The following CACNB2 variants were observed in gnomAD, a reference collection of about 807,000 sequenced individuals.
CACNB2 encodes the protein calcium voltage-gated channel auxiliary subunit beta 2, also known as voltage-dependent L-type calcium channel subunit beta-2.
Under a neutral mutation model 73.3 loss-of-function variants are expected in CACNB2, and 42 were observed. The ratio of observed to expected loss-of-function variants is 0.57; its 90% CI spans 0.45 to 0.74. CACNB2 has a LOEUF of 0.74. Among genes scored for constraint, CACNB2 ranks in the 30% least tolerant of loss-of-function variants. The pLI, the probability that CACNB2 is intolerant of heterozygous loss-of-function variation, is 0.00. For synonymous variants in CACNB2, 348 were observed against 310.3 expected (o/e 1.12, Z -1.28); for missense variants, 940 against 853.0 (o/e 1.10, Z -1.27).
At chr10:18,215,039 T>C (rs1305653428) in intron 2 of CACNB2, among the ~76,000 whole-genome samples, 1 of 152,162 alleles carries the variant, frequency 6.6e-6, no homozygotes, top group Admixed American at 6.5e-5. Flanking sequence ...TGGGTCTTAT[T>C]GGTTGTAAAG....
intron 3 of CACNB2, among the ~76,000 whole-genome samples, chr10:18,470,227 A>G (rs1045828421): frequency 6.6e-6 from 1 of 151,254 alleles, no homozygotes; most frequent in African/African-American, 2.4e-5. Flanking sequence ...TGCCTCATGC[A>G]TGTAATCCCA....
At chr10:18,411,463 T>A (rs957184200) in intron 3 of CACNB2, among the ~76,000 whole-genome samples, 8 of 151,318 alleles carry the variant, frequency 5.3e-5, no homozygotes, top group African/African-American at 1.9e-4. Flanking sequence ...TATAGACAAT[T>A]TGAAAGATAT....
At chr10:18,279,384 G>A (rs186199223) in intron 2 of CACNB2, among the ~76,000 whole-genome samples, 58 of 152,296 alleles carry the variant, frequency 3.8e-4, no homozygotes, top group Middle Eastern at 3.4e-3. Flanking sequence ...GAAGGATGCT[G>A]TGGTTAGATC....
At position 18,456,274 on chromosome 10, in the gene CACNB2, C is replaced by T. The variant is rs558195692; in HGVS notation, c.334-42081C>T. Among the ~76,000 whole-genome samples, 19 of 151,958 alleles carry T rather than the reference C, an allele frequency of 1.3e-4. No homozygotes were observed. The South Asian group carries it at 3.1e-3, about 25-fold the overall frequency. ...TCATTTCAGGCCAGGAGTTCGAGAA[C>T]GGCCTGACCAAAACCCCGCCTCTAC... On this transcript the variant is annotated intron_variant, in intron 3 of 13. Coordinates refer to ENST00000324631, the MANE Select transcript of CACNB2 (RefSeq NM_201596.3).
At chr10:18,199,996 T>C (rs982890548) in intron 2 of CACNB2, among the ~76,000 whole-genome samples, 2 of 151,012 alleles carry the variant, frequency 1.3e-5, no homozygotes, top group African/African-American at 4.9e-5. Flanking sequence ...TGTATTGTTG[T>C]AAACAAAGAT....
At chr10:18,254,034 G>A (rs1040502440) in intron 2 of CACNB2, among the ~76,000 whole-genome samples, 3 of 152,166 alleles carry the variant, frequency 2.0e-5, no homozygotes, top group African/African-American at 7.2e-5. Context: ...CTCTGTACGT[G>A]GGAGAGTCCA....
intron 3 of CACNB2, among the ~76,000 whole-genome samples, chr10:18,489,844 G>A (rs981528368): frequency 6.6e-6 from 1 of 152,096 alleles, no homozygotes; most frequent in Non-Finnish European, 1.5e-5. Flanking sequence ...AAACATACTG[G>A]AGACACAGTG....
intron 10 of CACNB2, chr10:18,533,380 C>G (rs1255494364): frequency 1.5e-4 from 23 of 152,184 alleles, no homozygotes; most frequent in Non-Finnish European, 1.5e-5. Flanking sequence ...GTTTTTGAGT[C>G]TTTGGAGATC....
At chr10:18,516,199 A>G (rs1177166668) in intron 7 of CACNB2, among the ~76,000 whole-genome samples, 8 of 151,712 alleles carry the variant, frequency 5.3e-5, no homozygotes, top group Admixed American at 5.3e-4. Context: ...TGGGCAACAG[A>G]GCTAGATAAC....
At chr10:18,420,976 TTTG>T (rs2045287102) in intron 3 of CACNB2, among the ~76,000 whole-genome samples, 1 of 152,166 alleles carries the variant, frequency 6.6e-6, no homozygotes, top group South Asian at 2.1e-4. Context: ...ACATGAACCA[TTTG>T]TTATTAATAT....
chr10:18,269,001 C>G (rs2037933165), intron 2 of CACNB2, among the ~76,000 whole-genome samples: 1 of 152,006 alleles, frequency 6.6e-6, no homozygotes, highest in Non-Finnish European at 1.5e-5. Flanking sequence ...TTAGGTCTGG[C>G]CTTCATGAGA....
At chr10:18,486,069 G>C (rs2049045512) in intron 3 of CACNB2, among the ~76,000 whole-genome samples, 1 of 152,024 alleles carries the variant, frequency 6.6e-6, no homozygotes, top group Non-Finnish European at 1.5e-5. Context: ...ACCATACTTT[G>C]CTATTTAGCA....
In CACNB2 at chr10:18,170,604, A is replaced by G. The variant is rs368388139; in HGVS notation, c.213+19629A>G. Among the ~76,000 whole-genome samples, 20 of 152,308 alleles carry G rather than the reference A, an allele frequency of 1.3e-4. No individual in the cohort carries two copies. The East Asian group carries it at 3.3e-3, about 25-fold the overall frequency. On this transcript the variant is annotated intron_variant, in intron 2 of 13. Transcript: ENST00000324631. Reference sequence around the variant, plus strand: ...AGTCTTCGTGATAAAACCACGCCCCACTGCCATTAAAAATTAGAATGTTGG... The same window carrying G: ...AGTCTTCGTGATAAAACCACGCCCCGCTGCCATTAAAAATTAGAATGTTGG...
chr10:18,160,137 TATA>T (rs2032351818), intron 2 of CACNB2, among the ~76,000 whole-genome samples: 1 of 151,898 alleles, frequency 6.6e-6, no homozygotes, highest in Non-Finnish European at 1.5e-5. Flanking sequence ...CACTTCAACA[TATA>T]ATTAATTTTA....
chr10:18,438,528 C>CA (rs2132911492), intron 3 of CACNB2, among the ~76,000 whole-genome samples: 1 of 152,328 alleles, frequency 6.6e-6, no homozygotes, highest in East Asian at 1.9e-4. Context: ...CGCGGTCCCT[C>CA]ACCACCTGTG....
chr10:18,167,055 T>A (rs1212266331), intron 2 of CACNB2, among the ~76,000 whole-genome samples: 1 of 152,174 alleles, frequency 6.6e-6, no homozygotes, highest in Admixed American at 6.5e-5. Flanking sequence ...CAGCCTCCCT[T>A]GCTACTCCAC....
intron 2 of CACNB2, among the ~76,000 whole-genome samples, chr10:18,395,790 G>A (rs569162824): frequency 6.6e-6 from 1 of 152,226 alleles, no homozygotes; most frequent in Admixed American, 6.5e-5. Context: ...CTAAATGATA[G>A]GTCAATCACA....
chr10:18,474,460 A>G (rs1650730503), intron 3 of CACNB2, among the ~76,000 whole-genome samples: 1 of 152,192 alleles, frequency 6.6e-6, no homozygotes, highest in African/African-American at 2.4e-5. Flanking sequence ...TCAGGCTCCT[A>G]AACTAAGGTG....
At chr10:18,364,932 A>C (rs7898858) in intron 2 of CACNB2, among the ~76,000 whole-genome samples, 82,461 of 152,016 alleles carry the variant, frequency 0.54, 23,022 homozygotes, top group East Asian at 0.95. Flanking sequence ...AGTCCATACA[A>C]TTTCTCTTGC....
Sources: allele counts gnomAD v4.1 joint callset (sites outside exome capture counted in the v4.1 genomes callset), GRCh38; gene constraint gnomAD v4.1.1; transcripts MANE v1.5; gene names NCBI Gene and HGNC (gene_info 2026-07-23, HGNC 2026-07-21).